The following EFCAB8 variants were observed in gnomAD, a reference collection of about 807,000 sequenced individuals.
EFCAB8 encodes the protein EF-hand calcium-binding domain-containing protein 8.
A neutral mutation model predicts 116.3 loss-of-function variants in EFCAB8; 100 were observed. The observed-to-expected ratio is 0.86, with a 90% CI of 0.73 to 1.02. The LOEUF is 1.02. Among genes scored for constraint, EFCAB8 ranks in the 50% least tolerant of loss-of-function variants. EFCAB8 has a pLI of 0.00. For synonymous variants in EFCAB8, 558 were observed against 567.9 expected, an observed-to-expected ratio of 0.98 and a Z score of 0.25; for missense variants, 1,320 against 1,416.9, an observed-to-expected ratio of 0.93 and a Z score of 1.10.
At chr20:32,946,294 G>A (rs992179834) in intron 23 of EFCAB8, among the ~76,000 whole-genome samples, 1 of 152,250 alleles carries the variant, frequency 6.6e-6, no homozygotes, top group Non-Finnish European at 1.5e-5. Context: ...CCAGGGAGAA[G>A]CTGGAAGCTG....
Position 32,885,182 on chromosome 20 carries a change from C to T in EFCAB8, c.432-323C>T, listed in dbSNP as rs74546108. Among the ~76,000 whole-genome samples, 250 of 152,324 alleles carry T rather than the reference C, an allele frequency of 1.6e-3. 10 individuals are homozygous for T. The East Asian group carries it at 0.044, about 27-fold the overall frequency. On this transcript the variant is annotated intron_variant, in intron 5 of 26. Transcript: ENST00000400522. Reference sequence around the variant, plus strand: ...TGATAGAAGCTTTGCGAACAACCTCCGTTCTGTCTCCTCTGTCCCATCACG... The same window carrying T: ...TGATAGAAGCTTTGCGAACAACCTCTGTTCTGTCTCCTCTGTCCCATCACG...
chr20:32,894,024 C>A (rs1473810122), intron 9 of EFCAB8, among the ~76,000 whole-genome samples: 1 of 152,150 alleles, frequency 6.6e-6, no homozygotes, highest in African/African-American at 2.4e-5. Context: ...TGATTAATAG[C>A]AGGAGGAAGT....
intron 6 of EFCAB8, among the ~76,000 whole-genome samples, chr20:32,886,834 C>T (rs1312229675): frequency 6.6e-6 from 1 of 152,226 alleles, no homozygotes; most frequent in Non-Finnish European, 1.5e-5. Context: ...CCCAGGACCA[C>T]ACACCCACTG....
At position 32,885,488 on chromosome 20, in the gene EFCAB8, T is replaced by C; in HGVS notation, c.432-17T>C. 6.4e-7 allele frequency: 1 copy of C among 1,551,596 alleles called. No individual in the cohort carries two copies. The highest frequency in any genetic ancestry group is 8.7e-7 in the Non-Finnish European group (1 of 1,146,912). Reference sequence around the variant, plus strand: ...TGTTTTTGCTTGGGCTCTTCTCTCTTTCATCGCCTCCCACAGGAACCATGG... The same window carrying C: ...TGTTTTTGCTTGGGCTCTTCTCTCTCTCATCGCCTCCCACAGGAACCATGG... On this transcript the variant is annotated splice_polypyrimidine_tract_variant and intron_variant, in intron 5 of 26. Transcript: ENST00000400522.
intron 23 of EFCAB8, among the ~76,000 whole-genome samples, chr20:32,954,927 T>C (rs1222509866): frequency 6.6e-6 from 1 of 152,222 alleles, no homozygotes. Flanking sequence ...TATTGTTGAA[T>C]TCTATTTTAC....
chr20:32,961,663 T>C lies in EFCAB8; in HGVS notation c.*54T>C, dbSNP rs1364137918. Reference sequence around the variant, plus strand: ...AGCAGGGCAACCAGGCCCATGGCGGTCCTGCATGTTCTCGGCTTATTCCCT... The same window carrying C: ...AGCAGGGCAACCAGGCCCATGGCGGCCCTGCATGTTCTCGGCTTATTCCCT... On this transcript the variant is annotated 3_prime_UTR_variant, in exon 27 of 27. Transcript: ENST00000400522. 9.2e-7 allele frequency: 1 copy of C among 1,084,972 alleles called. No individual in the cohort carries two copies. Among genetic ancestry groups the C allele is most frequent in the Admixed American group, 3.7e-5 (1 of 26,910 alleles). 67.2% of individuals were successfully genotyped at this position (1,084,972 alleles called of 1,614,324 possible). A position where few individuals can be genotyped will look rare whatever the true frequency, so the allele number is the denominator to read the frequency against.
At chr20:32,874,276 A>G (rs1405609888) in intron 3 of EFCAB8, among the ~76,000 whole-genome samples, 1 of 152,090 alleles carries the variant, frequency 6.6e-6, no homozygotes, top group African/African-American at 2.4e-5. Context: ...AGGCTACAGT[A>G]CAGTGGCAAG....
chr20:32,887,813 GCAC>G lies in EFCAB8; in HGVS notation c.568-1483_568-1481del, dbSNP rs377675716. Among the ~76,000 whole-genome samples the G allele has an allele frequency of 4.1e-3, 618 of 152,342 alleles. 5 individuals carry two copies. Among genetic ancestry groups the G allele is most frequent in the African/African-American group, 0.014 (599 of 41,578 alleles). On this transcript the variant is annotated intron_variant, in intron 6 of 26. Coordinates refer to ENST00000400522, the MANE Select transcript of EFCAB8 (RefSeq NM_001143967.2). ...GTGCTGAGCTCCTACTGAGTGCTGG[GCAC>G]CACCCTCAATGCTTCAACTTTCATT...
chr20:32,866,959 C>G (rs1352972461), intron 2 of EFCAB8, among the ~76,000 whole-genome samples: 1 of 150,994 alleles, frequency 6.6e-6, no homozygotes, highest in Non-Finnish European at 1.5e-5. Flanking sequence ...GCTCTGTTGC[C>G]CAGGCTGGAA....
At chr20:32,954,546 T>C (rs1988902831) in intron 23 of EFCAB8, among the ~76,000 whole-genome samples, 1 of 152,364 alleles carries the variant, frequency 6.6e-6, no homozygotes, top group African/African-American at 2.4e-5. Flanking sequence ...TAATATGTTT[T>C]GAAATCAGCA....
intron 2 of EFCAB8, among the ~76,000 whole-genome samples, chr20:32,864,781 G>A (rs146719774): frequency 6.6e-6 from 1 of 152,278 alleles, no homozygotes; most frequent in Non-Finnish European, 1.5e-5. Context: ...GGAGTATAGA[G>A]ATAATTAATA....
intron 1 of EFCAB8, among the ~76,000 whole-genome samples, chr20:32,862,461 G>A (rs1418411421): frequency 6.6e-6 from 1 of 151,954 alleles, no homozygotes; most frequent in Non-Finnish European, 1.5e-5. Flanking sequence ...TTTTCTGAAA[G>A]TGGTTCTGGC....
In EFCAB8 at chr20:32,872,981, A is replaced by G. The variant is rs564846023; in HGVS notation, c.209-2945A>G. On this transcript the variant is annotated intron_variant, in intron 3 of 26. Transcript: ENST00000400522. ...ATGGTGGGCGCCTGTAATCCCAGCTACTTGGGAGGCCGAGGCAGGGAGAAT... is the reference window on the plus strand; with the variant it reads ...ATGGTGGGCGCCTGTAATCCCAGCTGCTTGGGAGGCCGAGGCAGGGAGAAT... Among the ~76,000 whole-genome samples the G allele has an allele frequency of 1.3e-3, 190 of 150,438 alleles. 1 individual carries two copies. The highest frequency in any genetic ancestry group is 1.3e-3 in the Non-Finnish European group (85 of 67,766).
At chr20:32,914,588 A>G (rs1350155113) in intron 17 of EFCAB8, among the ~76,000 whole-genome samples, 2 of 152,226 alleles carry the variant, frequency 1.3e-5, no homozygotes, top group African/African-American at 2.4e-5. Flanking sequence ...GAAACTTACA[A>G]TCATAGTTAA....
intron 9 of EFCAB8, 42 bp from the exon 10 acceptor site, chr20:32,896,412 G>A: frequency 1.4e-6 from 1 of 714,614 alleles, no homozygotes; most frequent in Non-Finnish European, 2.6e-6. Flanking sequence ...CAAGCGAAGG[G>A]GGAAAGCTGC....
chr20:32,922,554 C>T (rs1223941796), intron 20 of EFCAB8, among the ~76,000 whole-genome samples: 1 of 152,122 alleles, frequency 6.6e-6, no homozygotes, highest in Admixed American at 6.5e-5. Context: ...AAGGGCATGT[C>T]ACAGAGTGAG....
In EFCAB8 at chr20:32,918,485, A is replaced by G. The variant is rs751615297; in HGVS notation, c.2185A>G (p.Asn729Asp). ...LSSLSPESVANTNLRRSLVSA... is the reference protein window; with the variant it reads ...LSSLSPESVADTNLRRSLVSA... ...CAGTCTCAGCCCCGAGTCTGTGGCCAATACCAACCTGAGGCGGAGCCTGGT... is the reference window on the plus strand; with the variant it reads ...CAGTCTCAGCCCCGAGTCTGTGGCCGATACCAACCTGAGGCGGAGCCTGGT... The change falls in exon 19 of 27, where the codon AAT (asparagine) becomes GAT (aspartate). Residue 729 changes from asparagine to aspartate, a missense_variant. By Grantham distance (23) the Asn-to-Asp change is conservative (BLOSUM62 1). Transcript: ENST00000400522. 3 of 1,551,756 alleles carry G rather than the reference A, an allele frequency of 1.9e-6. No homozygotes were observed. The highest frequency in any genetic ancestry group is 1.7e-6 in the Non-Finnish European group (2 of 1,147,002).
chr20:32,942,051 G>A (rs957004230), intron 22 of EFCAB8, among the ~76,000 whole-genome samples: 11 of 152,018 alleles, frequency 7.2e-5, no homozygotes, highest in South Asian at 6.2e-4. Flanking sequence ...CACTCTAGAA[G>A]GTTTATACAG....
intron 23 of EFCAB8, among the ~76,000 whole-genome samples, chr20:32,948,548 GAA>G: frequency 1.4e-5 from 2 of 142,806 alleles, no homozygotes; most frequent in African/African-American, 5.4e-5. Context: ...AAGAAAGAAA[GAA>G]AGAAAGAAAG....
Sources: gnomAD v4.1 joint callset for allele counts (sites outside exome capture counted in the v4.1 genomes callset) on GRCh38, gnomAD v4.1.1 for gene constraint, MANE v1.5 for transcripts, NCBI Gene and HGNC (gene_info 2026-07-23, HGNC 2026-07-21) for gene names.